The following MED13 variants were observed in gnomAD, a reference collection of about 807,000 sequenced individuals.
MED13 encodes the protein mediator complex subunit 13.
MED13 carries 23 observed loss-of-function variants against 225.2 expected under a neutral mutation model. The ratio of observed to expected loss-of-function variants is 0.10; its 90% confidence interval spans 0.07 to 0.14. The LOEUF (loss-of-function observed/expected upper bound fraction) is 0.14, where lower values mean the gene tolerates loss of function less well. MED13 is among the 10% of genes least tolerant of loss of function. The probability of loss-of-function intolerance (pLI) is 1.00; values close to 1 mark genes in which losing one functional copy is unlikely to be tolerated. For missense variants in MED13, 2,197 were observed against 2,594.5 expected (o/e 0.85, Z 3.33); for synonymous variants, 942 against 889.2 (o/e 1.06, Z -1.06).
In MED13 at chr17:61,967,998, G is replaced by A. The variant is rs748384527; in HGVS notation, c.4191+37C>T. 4.7e-6 allele frequency: 7 copies of A among 1,488,454 alleles called. No individual in the cohort carries two copies. In the African/African-American group the frequency reaches 8.3e-5, roughly 18 times the overall value. The allele number at this position is 1,488,454 out of a possible 1,614,324, so 92.2% of individuals were successfully genotyped here. A position where few individuals can be genotyped will look rare whatever the true frequency, so the allele number is the denominator to read the frequency against. ...GTATATACAACAATACAAATCGTAA[G>A]GTAGTTTTAAAATGTCATCTCTTTT... is the stretch of plus-strand genomic sequence containing the variant. On this transcript the variant is annotated intron_variant, in intron 18 of 29. Transcript: ENST00000397786.
intron 3 of MED13, among the ~76,000 whole-genome samples, chr17:62,044,655 T>C (rs948538990): frequency 2.0e-5 from 3 of 152,232 alleles, no homozygotes; most frequent in African/African-American, 7.2e-5. Context: ...ATATATAACA[T>C]GTAATACTCT....
intron 23 of MED13, among the ~76,000 whole-genome samples, chr17:61,960,256 T>A (rs114673313): frequency 6.6e-6 from 1 of 152,122 alleles, no homozygotes; most frequent in Non-Finnish European, 1.5e-5. Context: ...GTCATCATAT[T>A]CTGAAGACAA....
intron 3 of MED13, among the ~76,000 whole-genome samples, chr17:62,049,398 C>G (rs913561364): frequency 4.6e-5 from 7 of 152,104 alleles, no homozygotes; most frequent in African/African-American, 1.4e-4. Flanking sequence ...ATATTTCAGG[C>G]TAAGTATTTT....
In MED13 at chr17:61,966,548, G is replaced by A. The variant is rs1211564644; in HGVS notation, c.4295C>T (p.Ala1432Val). 6.2e-7 allele frequency: 1 copy of A among 1,613,908 alleles called. No individual in the cohort carries two copies. Among genetic ancestry groups the A allele is most frequent in the East Asian group, 2.2e-5 (1 of 44,862 alleles). The stretch of plus-strand genomic sequence containing the variant: ...GTCAGCTGCCTGAGAAAACCATTCT[G>A]CTACCAACTTTTCTGATAGTTTCTT... Reference protein sequence around the residue: ...ASKKLSEKLVAEWFSQAADGN... With the variant: ...ASKKLSEKLVVEWFSQAADGN... Residue 1432 changes from alanine (A) to valine (V), a missense_variant, in exon 19 of 30, where the codon GCA becomes GTA. Coordinates refer to ENST00000397786, the MANE Select transcript of MED13 (RefSeq NM_005121.3).
Position 62,011,156 on chromosome 17 carries a change from G to A in MED13, c.1361C>T (p.Pro454Leu), listed in dbSNP as rs767317566. The change falls in exon 9 of 30, where the codon CCT becomes CTT. Residue 454 changes from proline to leucine, a missense_variant. By Grantham distance (98) the Pro-to-Leu change is moderately conservative. This residue lies in a region of MED13 where 884 missense variants were observed against 918.5 expected (regional missense o/e 0.96). Transcript: ENST00000397786. ...PSLGQQQQIL[P>L]KHKTNEKQEK... is the part of the protein sequence containing the mutation. The stretch of plus-strand genomic sequence containing the variant: ...TTGCTTCTCATTGGTCTTGTGCTTA[G>A]GAAGTATTTGTTGTTGCTGACCTAA... 2.5e-6 allele frequency: 4 copies of A among 1,614,170 alleles called. No individual in the cohort carries two copies. Among genetic ancestry groups the A allele is most frequent in the Non-Finnish European group, 2.5e-6 (3 of 1,180,036 alleles).
intron 9 of MED13, among the ~76,000 whole-genome samples, chr17:62,002,865 T>C (rs1025544858): frequency 1.2e-4 from 18 of 152,224 alleles, no homozygotes; most frequent in African/African-American, 3.4e-4. Context: ...CAATTTTCTG[T>C]TACAAGTTAT....
intron 18 of MED13, among the ~76,000 whole-genome samples, chr17:61,967,672 C>T (rs2080070839): frequency 6.6e-6 from 1 of 152,102 alleles, no homozygotes; most frequent in Non-Finnish European, 1.5e-5. Flanking sequence ...GAAAGTGAGG[C>T]CTAGTGTCAC....
At chr17:62,032,477 A>AG (rs2080766168) in intron 5 of MED13, 1 of 142,872 alleles carries the variant, frequency 7.0e-6, no homozygotes, top group South Asian at 2.2e-4. Flanking sequence ...ATTCCGTCTC[A>AG]GGAAAAAAAA....
intron 8 of MED13, among the ~76,000 whole-genome samples, chr17:62,020,465 C>A (rs1182117515): frequency 6.6e-6 from 1 of 152,108 alleles, no homozygotes; most frequent in Non-Finnish European, 1.5e-5. Context: ...CAACCTCTGC[C>A]TCCCAGGTTC....
chr17:61,980,890 G>A (rs1020048095), intron 16 of MED13, among the ~76,000 whole-genome samples: 12 of 151,328 alleles, frequency 7.9e-5, no homozygotes, highest in Non-Finnish European at 1.0e-4. Flanking sequence ...CCACAGGCAC[G>A]CCCCACCATG....
At chr17:61,949,037 G>A (rs1284243024) in intron 28 of MED13, among the ~76,000 whole-genome samples, 3 of 149,644 alleles carry the variant, frequency 2.0e-5, no homozygotes, top group African/African-American at 4.9e-5. Context: ...GCAGTGAGCC[G>A]AGATCCCGCC....
intron 8 of MED13, among the ~76,000 whole-genome samples, chr17:62,020,706 T>C (rs950839912): frequency 4.1e-5 from 6 of 146,430 alleles, no homozygotes; most frequent in African/African-American, 1.5e-4. Context: ...TTTTTTTTTT[T>C]AATTGATCAT....
At chr17:61,992,261 G>T (rs557091863) in intron 11 of MED13, among the ~76,000 whole-genome samples, 1 of 152,094 alleles carries the variant, frequency 6.6e-6, no homozygotes, top group South Asian at 2.1e-4. Context: ...AGTAGAAGGG[G>T]GTGAGAAATC....
chr17:62,039,948 T>C (rs556564736), intron 3 of MED13, among the ~76,000 whole-genome samples: 85 of 152,028 alleles, frequency 5.6e-4, no homozygotes, highest in African/African-American at 2.0e-3. Flanking sequence ...CAGGATGGAG[T>C]GCAGTGGCTA....
At chr17:62,043,430 T>C (rs1297576895) in intron 3 of MED13, among the ~76,000 whole-genome samples, 2 of 152,136 alleles carry the variant, frequency 1.3e-5, no homozygotes, top group East Asian at 3.9e-4. Flanking sequence ...GCACATCCAG[T>C]CTGCTGAAGT....
intron 16 of MED13, among the ~76,000 whole-genome samples, chr17:61,974,130 G>A (rs1405268970): frequency 2.6e-5 from 4 of 152,230 alleles, no homozygotes; most frequent in Middle Eastern, 6.8e-3. Context: ...CTAACGGGCC[G>A]GGCTTGGGTG....
At chr17:62,024,676 G>A (rs950629338) in intron 8 of MED13, among the ~76,000 whole-genome samples, 2 of 152,010 alleles carry the variant, frequency 1.3e-5, no homozygotes, top group Non-Finnish European at 2.9e-5. Context: ...TATTTTTTCT[G>A]CTCCTCTCCC....
At chr17:62,044,324 CA>C (rs921419560) in intron 3 of MED13, among the ~76,000 whole-genome samples, 3 of 151,786 alleles carry the variant, frequency 2.0e-5, no homozygotes, top group Non-Finnish European at 4.4e-5. Context: ...CAATACCACC[CA>C]AAAAAATAAC....
Position 61,983,060 on chromosome 17 carries a change from A to T in MED13, c.2943T>A (p.His981Gln). ...TGCTAGGAGGCATCCCAAAAGAAGTATGAGTTTGAGGTGTATAAGCAGTGC... is the reference window on the plus strand; with the variant it reads ...TGCTAGGAGGCATCCCAAAAGAAGTTTGAGTTTGAGGTGTATAAGCAGTGC... ...EYGTAYTPQT[H>Q]TSFGMPPSSA... The change falls in exon 16 of 30, where the codon CAT becomes CAA. Residue 981 changes from histidine to glutamine, a missense_variant. Coordinates refer to ENST00000397786, the MANE Select transcript of MED13 (RefSeq NM_005121.3). 6.2e-7 allele frequency: 1 copy of T among 1,613,742 alleles called. No individual in the cohort carries two copies. The highest frequency in any genetic ancestry group is 8.5e-7 in the Non-Finnish European group (1 of 1,179,810).
Sources: gnomAD v4.1 joint callset for allele counts (sites outside exome capture counted in the v4.1 genomes callset) on GRCh38, gnomAD v4.1.1 for gene constraint, gnomAD v4.1.1 regional missense constraint, MANE v1.5 for transcripts, NCBI Gene and HGNC (gene_info 2026-07-23, HGNC 2026-07-21) for gene names.